The following ASIC2 variants were observed in gnomAD, a reference collection of about 807,000 sequenced individuals.
ASIC2 encodes acid sensing ion channel subunit 2.
In ASIC2, 25 loss-of-function variants were observed where a neutral mutation model predicts 57.3. The observed-to-expected ratio is 0.44, with a 90% confidence interval of 0.32 to 0.61. The LOEUF is 0.61. Among genes scored for constraint, ASIC2 ranks in the 20% least tolerant of loss-of-function variants. The pLI is 0.06. For missense variants in ASIC2, 641 were observed against 738.1 expected, an observed-to-expected ratio of 0.87 and a Z score of 1.52; for synonymous variants, 319 against 307.5, an observed-to-expected ratio of 1.04 and a Z score of -0.39.
At chr17:33,385,626 C>T (rs758395579) in intron 1 of ASIC2, among the ~76,000 whole-genome samples, 1 of 152,186 alleles carries the variant, frequency 6.6e-6, no homozygotes, top group African/African-American at 2.4e-5. Flanking sequence ...CGTAATGCAG[C>T]AAGTTCATTA....
chr17:33,888,014 A>G (rs1914870572), intron 1 of ASIC2, among the ~76,000 whole-genome samples: 1 of 152,170 alleles, frequency 6.6e-6, no homozygotes, highest in African/African-American at 2.4e-5. Context: ...GTAAAGTGAA[A>G]AAATTGTAAG....
intron 3 of ASIC2, among the ~76,000 whole-genome samples, chr17:33,087,575 G>GTTTTTTTTTTTTTTTTTTT (rs5820015): frequency 8.1e-5 from 9 of 111,044 alleles, no homozygotes; most frequent in African/African-American, 2.9e-4. Flanking sequence ...TACAACCAGT[G>GTTTTTTTTTTTTTTTTTTT]TTTTTTTTTT....
rs542110799 is a variant in ASIC2, at chr17:34,073,135, T to C, written c.555+82843A>G. On this transcript the variant is annotated intron_variant, in intron 1 of 9. Transcript: ENST00000359872. Reference sequence around the variant, plus strand: ...ATTTAAAATAGGGGTCAGGAAACTTTTTCTATAAAGAGTCATATTGCAAAT... The same window carrying C: ...ATTTAAAATAGGGGTCAGGAAACTTCTTCTATAAAGAGTCATATTGCAAAT... Among the ~76,000 whole-genome samples, 8 of 152,344 alleles carry C rather than the reference T, an allele frequency of 5.3e-5. No individual in the cohort carries two copies. In the East Asian group the frequency reaches 1.2e-3, roughly 22 times the overall value.
chr17:33,864,655 G>T (rs1914185682), intron 1 of ASIC2, among the ~76,000 whole-genome samples: 2 of 152,190 alleles, frequency 1.3e-5, no homozygotes, highest in Non-Finnish European at 2.9e-5. Context: ...GCAGCGAACA[G>T]GTACCCTATG....
intron 1 of ASIC2, among the ~76,000 whole-genome samples, chr17:33,598,036 G>T (rs1905031368): frequency 6.6e-6 from 1 of 152,042 alleles, no homozygotes; most frequent in African/African-American, 2.4e-5. Flanking sequence ...AATAATTAAT[G>T]AATCCATGCT....
At chr17:33,477,474 A>G (rs771252434) in intron 1 of ASIC2, among the ~76,000 whole-genome samples, 5 of 152,202 alleles carry the variant, frequency 3.3e-5, no homozygotes, top group Non-Finnish European at 7.3e-5. Flanking sequence ...CACTGTCTTC[A>G]TAGTATAAAT....
intron 1 of ASIC2, among the ~76,000 whole-genome samples, chr17:33,656,232 G>C (rs1325127717): frequency 2.6e-5 from 4 of 152,014 alleles, no homozygotes; most frequent in Non-Finnish European, 5.9e-5. Context: ...TAAAGGTTAA[G>C]TAAAGAACAT....
intron 1 of ASIC2, among the ~76,000 whole-genome samples, chr17:34,139,311 A>G (rs1048923400): frequency 2.0e-5 from 3 of 152,270 alleles, no homozygotes; most frequent in Non-Finnish European, 4.4e-5. Context: ...TATGAAAAAT[A>G]CAGGGAAGGG....
chr17:33,232,914 C>T (rs946203163), intron 1 of ASIC2, among the ~76,000 whole-genome samples: 46 of 152,116 alleles, frequency 3.0e-4, no homozygotes, highest in African/African-American at 1.1e-3. Context: ...GCGATGCATT[C>T]TTGTATGGCC....
intron 1 of ASIC2, among the ~76,000 whole-genome samples, chr17:34,095,633 TTA>T (rs796194067): frequency 0.12 from 11,764 of 97,980 alleles, 730 homozygotes; most frequent in Non-Finnish European, 0.16. Flanking sequence ...ATATATAATT[TTA>T]TATATATATA....
chr17:33,236,623 A>G (rs986350140), intron 1 of ASIC2, among the ~76,000 whole-genome samples: 8 of 152,136 alleles, frequency 5.3e-5, no homozygotes, highest in Non-Finnish European at 1.0e-4. Context: ...TTACAGGTGC[A>G]TGCCACCATG....
intron 1 of ASIC2, among the ~76,000 whole-genome samples, chr17:33,378,791 C>T (rs565865439): frequency 6.6e-6 from 1 of 152,174 alleles, no homozygotes; most frequent in Admixed American, 6.5e-5. Context: ...ATTTCTTAGG[C>T]CTTGATGTTG....
At chr17:33,423,033 G>A (rs2141972860) in intron 1 of ASIC2, among the ~76,000 whole-genome samples, 1 of 152,290 alleles carries the variant, frequency 6.6e-6, no homozygotes, top group South Asian at 2.1e-4. Flanking sequence ...GATGCTTTTA[G>A]CTGTAGTGGG....
chr17:33,344,483 C>G (rs1029802789), intron 1 of ASIC2, among the ~76,000 whole-genome samples: 1 of 152,198 alleles, frequency 6.6e-6, no homozygotes, highest in African/African-American at 2.4e-5. Flanking sequence ...AAGGAAGAAC[C>G]TGGTCAGAAC....
intron 1 of ASIC2, among the ~76,000 whole-genome samples, chr17:33,342,934 A>G (rs994142593): frequency 9.9e-5 from 15 of 152,170 alleles, no homozygotes; most frequent in Admixed American, 5.9e-4. Flanking sequence ...TGGGCCTCCA[A>G]TGCTACTCAG....
At chr17:33,074,053 A>G (rs966868344) in intron 3 of ASIC2, among the ~76,000 whole-genome samples, 1 of 152,078 alleles carries the variant, frequency 6.6e-6, no homozygotes, top group Non-Finnish European at 1.5e-5. Context: ...GCCTTCAGTA[A>G]CCACTGCCTT....
chr17:33,893,063 C>T (rs933344086), intron 1 of ASIC2, among the ~76,000 whole-genome samples: 5 of 152,124 alleles, frequency 3.3e-5, no homozygotes, highest in African/African-American at 1.2e-4. Flanking sequence ...ACTTCAACTT[C>T]CAAAGAAATT....
intron 1 of ASIC2, among the ~76,000 whole-genome samples, chr17:33,960,578 C>T (rs1336496183): frequency 1.3e-5 from 2 of 152,122 alleles, no homozygotes; most frequent in African/African-American, 4.8e-5. Flanking sequence ...GGTTTTAGAG[C>T]CTTCAATGAT....
chr17:33,864,589 TA>T (rs1336463491), intron 1 of ASIC2, among the ~76,000 whole-genome samples: 1 of 152,030 alleles, frequency 6.6e-6, no homozygotes, highest in African/African-American at 2.4e-5. Flanking sequence ...CTTTTAATGG[TA>T]AAGGGGACAG....
Sources: allele counts gnomAD v4.1 joint callset (sites outside exome capture counted in the v4.1 genomes callset), GRCh38; gene constraint gnomAD v4.1.1; transcripts MANE v1.5; gene names NCBI Gene and HGNC (gene_info 2026-07-23, HGNC 2026-07-21).